The following RALYL variants were observed in gnomAD, a reference collection of about 807,000 sequenced individuals.
RALYL encodes RALY RNA binding protein like, also known as RNA-binding Raly-like protein.
Under a neutral mutation model 35.1 loss-of-function variants are expected in RALYL, and 29 were observed. That is an observed-to-expected ratio of 0.83 (90% CI 0.61 to 1.13). The LOEUF (loss-of-function observed/expected upper bound fraction) is 1.13. Among genes scored for constraint, RALYL ranks in the 50% most tolerant of loss-of-function variants. RALYL has a pLI of 0.00. For synonymous variants in RALYL, 120 were observed against 127.6 expected, an observed-to-expected ratio of 0.94 and a Z score of 0.40; for missense variants, 359 against 360.4, an observed-to-expected ratio of 1.00 and a Z score of 0.03.
chr8:84,199,729 C>T (rs1269748114), intron 1 of RALYL, among the ~76,000 whole-genome samples: 1 of 152,044 alleles, frequency 6.6e-6, no homozygotes, highest in Non-Finnish European at 1.5e-5. Context: ...TCCAGTTTTC[C>T]CAGCACCATT....
At chr8:84,659,528 G>T (rs371980007) in intron 2 of RALYL, among the ~76,000 whole-genome samples, 2 of 152,106 alleles carry the variant, frequency 1.3e-5, no homozygotes, top group South Asian at 2.1e-4. Flanking sequence ...GCTGAGGCCC[G>T]CTCTTCCTTA....
chr8:84,482,225 A>AT (rs1168156104), intron 1 of RALYL, among the ~76,000 whole-genome samples: 2 of 152,024 alleles, frequency 1.3e-5, no homozygotes, highest in African/African-American at 4.8e-5. Context: ...CCTTTGTTTA[A>AT]TTTTTTCAAA....
Position 84,198,078 on chromosome 8 carries a change from C to G in RALYL, c.-24+13654C>G, listed in dbSNP as rs139156491. 2.9e-3 allele frequency among the ~76,000 whole-genome samples: 437 copies of G among 152,234 alleles called. 3 individuals are homozygous for G. The highest frequency in any genetic ancestry group is 0.01 in the African/African-American group (421 of 41,524). ...GATATTTTCAATATCTATGTACACA[C>G]TCTTTAGTAGGATGTAGGTAGAAAC... On this transcript the variant is annotated intron_variant, in intron 1 of 8. Coordinates refer to ENST00000521268, the MANE Select transcript of RALYL (RefSeq NM_173848.7).
intron 1 of RALYL, among the ~76,000 whole-genome samples, chr8:84,301,037 T>G (rs1161565155): frequency 6.6e-6 from 1 of 152,072 alleles, no homozygotes; most frequent in African/African-American, 2.4e-5. Flanking sequence ...GTTTCTATAT[T>G]TAACCCCTGT....
chr8:84,598,596 T>C (rs913842148), intron 2 of RALYL, among the ~76,000 whole-genome samples: 1 of 152,150 alleles, frequency 6.6e-6, no homozygotes, highest in Non-Finnish European at 1.5e-5. Flanking sequence ...CACTTAATAG[T>C]GGCTCAATCA....
chr8:84,275,586 G>A (rs1319087493), intron 1 of RALYL, among the ~76,000 whole-genome samples: 1 of 151,778 alleles, frequency 6.6e-6, no homozygotes, highest in Non-Finnish European at 1.5e-5. Flanking sequence ...ACAGTATATT[G>A]TTATTATCTA....
At chr8:84,777,639 G>T (rs1817146468) in intron 3 of RALYL, among the ~76,000 whole-genome samples, 1 of 151,986 alleles carries the variant, frequency 6.6e-6, no homozygotes, top group African/African-American at 2.4e-5. Flanking sequence ...GTTTTGTTTT[G>T]TTTTGTTTTA....
intron 2 of RALYL, among the ~76,000 whole-genome samples, chr8:84,742,460 T>A (rs1807603580): frequency 6.6e-6 from 1 of 151,974 alleles, no homozygotes. Context: ...AAAAATTGTT[T>A]TAAAAAAAAA....
intron 4 of RALYL, among the ~76,000 whole-genome samples, chr8:84,814,172 C>T (rs1273129038): frequency 6.6e-6 from 1 of 152,100 alleles, no homozygotes; most frequent in Non-Finnish European, 1.5e-5. Flanking sequence ...AAGAATTGCT[C>T]ATAAATGTTA....
intron 1 of RALYL, among the ~76,000 whole-genome samples, chr8:84,373,494 G>T (rs531756722): frequency 1.3e-5 from 2 of 152,030 alleles, no homozygotes; most frequent in Admixed American, 1.3e-4. Flanking sequence ...CCTATTGCTT[G>T]TTTTTGTCAG....
chr8:84,442,349 A>C (rs2048415539), intron 1 of RALYL, among the ~76,000 whole-genome samples: 1 of 152,144 alleles, frequency 6.6e-6, no homozygotes, highest in Non-Finnish European at 1.5e-5. Flanking sequence ...GATTCTAATT[A>C]AATGCTTCCA....
intron 2 of RALYL, among the ~76,000 whole-genome samples, chr8:84,680,205 T>C (rs2131962469): frequency 6.6e-6 from 1 of 152,316 alleles, no homozygotes; most frequent in South Asian, 2.1e-4. Flanking sequence ...CTGCATAGTA[T>C]TCCATGGTAT....
At chr8:84,254,203 C>G (rs1404046975) in intron 1 of RALYL, among the ~76,000 whole-genome samples, 1 of 152,060 alleles carries the variant, frequency 6.6e-6, no homozygotes, top group African/African-American at 2.4e-5. Flanking sequence ...AATATCAACA[C>G]TAGCTAAGTT....
intron 2 of RALYL, among the ~76,000 whole-genome samples, chr8:84,729,650 GAAAA>G (rs1241864926): frequency 2.0e-5 from 3 of 151,804 alleles, no homozygotes; most frequent in Non-Finnish European, 4.4e-5. Flanking sequence ...GACTAGTAAA[GAAAA>G]AAAGAGAGAA....
chr8:84,454,129 G>A (rs2049852238), intron 1 of RALYL, among the ~76,000 whole-genome samples: 6 of 151,972 alleles, frequency 3.9e-5, no homozygotes, highest in Admixed American at 3.9e-4. Flanking sequence ...ACTGTGATGT[G>A]GGGTGTGTGC....
At position 84,261,332 on chromosome 8, in the gene RALYL, G is replaced by T. The variant is rs111772338; in HGVS notation, c.-24+76908G>T. 4.0e-4 allele frequency among the ~76,000 whole-genome samples: 61 copies of T among 152,306 alleles called. 1 individual carries two copies. The highest frequency in any genetic ancestry group is 1.4e-3 in the African/African-American group (60 of 41,560). ...GTTCCCATAATCCCCACGTGTGGTG[G>T]AAGGGACCAGGTGGAGATAATAGAA... On this transcript the variant is annotated intron_variant, in intron 1 of 8. Coordinates refer to ENST00000521268, the MANE Select transcript of RALYL (RefSeq NM_173848.7).
intron 2 of RALYL, among the ~76,000 whole-genome samples, chr8:84,651,878 G>C (rs762790065): frequency 1.4e-4 from 22 of 151,960 alleles, no homozygotes; most frequent in Non-Finnish European, 2.6e-4. Context: ...AGATCAATTG[G>C]ATTAGGATAA....
chr8:84,337,954 A>G (rs1163226821), intron 1 of RALYL, among the ~76,000 whole-genome samples: 1 of 152,064 alleles, frequency 6.6e-6, no homozygotes, highest in Non-Finnish European at 1.5e-5. Context: ...GGGTACCATA[A>G]TATACACTAT....
intron 2 of RALYL, among the ~76,000 whole-genome samples, chr8:84,767,490 T>A (rs900825254): frequency 1.3e-5 from 2 of 152,316 alleles, no homozygotes; most frequent in Admixed American, 6.5e-5. Flanking sequence ...TTACTTTTTT[T>A]ATACTTTTTT....
Sources: gnomAD v4.1 joint callset for allele counts (sites outside exome capture counted in the v4.1 genomes callset) on GRCh38, gnomAD v4.1.1 for gene constraint, MANE v1.5 for transcripts, NCBI Gene and HGNC (gene_info 2026-07-23, HGNC 2026-07-21) for gene names.